Variants in GRIP1 observed in about 807,000 individuals in gnomAD.
The protein encoded by GRIP1 is glutamate receptor-interacting protein 1.
In GRIP1, 45 loss-of-function variants were observed where a neutral mutation model predicts 129.9. That is an observed-to-expected ratio of 0.35 (90% CI 0.27 to 0.44). The LOEUF (loss-of-function observed/expected upper bound fraction) is 0.44, where lower values mean the gene tolerates loss of function less well. GRIP1 is among the 20% of genes least tolerant of loss of function. The pLI is 1.00. For synonymous variants in GRIP1, 530 were observed against 520.8 expected (o/e 1.02, Z -0.24); for missense variants, 1,196 against 1,396.8 (o/e 0.86, Z 2.29).
intron 2 of GRIP1, chr12:66,563,556 C>T (rs910134231): frequency 9.2e-5 from 15 of 163,566 alleles, no homozygotes; most frequent in Non-Finnish European, 1.5e-4. Flanking sequence ...AAGCAAAACA[C>T]AAACTTGAAA....
At chr12:66,356,828 C>T (rs2054511002) in intron 23 of GRIP1, among the ~76,000 whole-genome samples, 3 of 152,116 alleles carry the variant, frequency 2.0e-5, no homozygotes, top group Admixed American at 2.0e-4. Flanking sequence ...ACTTCCTAGT[C>T]CATAATTTCC....
At chr12:66,982,060 T>C (rs1274424095) in intron 1 of GRIP1, among the ~76,000 whole-genome samples, 1 of 152,226 alleles carries the variant, frequency 6.6e-6, no homozygotes, top group South Asian at 2.1e-4. Context: ...AACACTGTTA[T>C]ACTATCTTAC....
chr12:66,910,250 C>G (rs1278138431), intron 1 of GRIP1, among the ~76,000 whole-genome samples: 1 of 152,160 alleles, frequency 6.6e-6, no homozygotes, highest in Non-Finnish European at 1.5e-5. Flanking sequence ...CCTTTCTCCC[C>G]AGTTGTCATT....
chr12:66,444,852 G>A, intron 12 of GRIP1, 123 bp from the exon 13 acceptor site: 1 of 951,264 alleles, frequency 1.1e-6, no homozygotes, highest in Non-Finnish European at 1.7e-6. Context: ...CTTATTCAAT[G>A]CTGTGGGCAT....
intron 1 of GRIP1, among the ~76,000 whole-genome samples, chr12:66,828,327 T>C (rs2039454772): frequency 6.6e-6 from 1 of 152,210 alleles, no homozygotes; most frequent in Non-Finnish European, 1.5e-5. Context: ...ATAGGCATGA[T>C]ACTTGGAATT....
At chr12:66,762,403 G>C (rs2037504018) in intron 1 of GRIP1, among the ~76,000 whole-genome samples, 2 of 152,128 alleles carry the variant, frequency 1.3e-5, no homozygotes, top group Non-Finnish European at 2.9e-5. Context: ...TGAAAAACAA[G>C]GGGATGGAGC....
chr12:66,386,488 G>GC (rs1373377375), intron 19 of GRIP1, among the ~76,000 whole-genome samples: 1 of 152,030 alleles, frequency 6.6e-6, no homozygotes, highest in African/African-American at 2.4e-5. Context: ...CAAAAAATTA[G>GC]CTGGTCGTGG....
chr12:66,639,181 C>G (rs1309621931), intron 1 of GRIP1, among the ~76,000 whole-genome samples: 2 of 151,636 alleles, frequency 1.3e-5, no homozygotes, highest in African/African-American at 4.8e-5. Flanking sequence ...ATTAGTATAC[C>G]ACCGTTAGTA....
chr12:66,879,615 C>G (rs1323479030), intron 1 of GRIP1, among the ~76,000 whole-genome samples: 3 of 152,024 alleles, frequency 2.0e-5, no homozygotes, highest in Non-Finnish European at 4.4e-5. Context: ...GGAAGCTGAA[C>G]AGCAAAGGAG....
At chr12:66,544,984 G>A (rs936001410) in intron 2 of GRIP1, among the ~76,000 whole-genome samples, 2 of 152,112 alleles carry the variant, frequency 1.3e-5, no homozygotes, top group African/African-American at 4.8e-5. Context: ...AAGTCAATAT[G>A]TACTGATGAT....
At chr12:66,692,303 A>T (rs2136318511) in intron 1 of GRIP1, among the ~76,000 whole-genome samples, 1 of 152,350 alleles carries the variant, frequency 6.6e-6, no homozygotes, top group Middle Eastern at 3.4e-3. Context: ...CCAATTGTGT[A>T]ACCCTGTAGG....
intron 15 of GRIP1, among the ~76,000 whole-genome samples, chr12:66,414,905 A>T (rs965443901): frequency 4.7e-5 from 7 of 149,712 alleles, no homozygotes; most frequent in Admixed American, 1.3e-4. Context: ...GCAGAAAATT[A>T]AAACTGGACC....
intron 1 of GRIP1, among the ~76,000 whole-genome samples, chr12:66,724,838 G>A (rs2036201796): frequency 6.6e-6 from 1 of 152,196 alleles, no homozygotes; most frequent in Non-Finnish European, 1.5e-5. Flanking sequence ...CTAACCCGAT[G>A]TCAGACATGC....
chr12:66,493,429 G>A (rs1176166456), intron 7 of GRIP1, among the ~76,000 whole-genome samples: 1 of 152,144 alleles, frequency 6.6e-6, no homozygotes, highest in Non-Finnish European at 1.5e-5. Context: ...TTTGAAACTC[G>A]TATTTTCAAC....
At chr12:66,908,277 C>T (rs1458877145) in intron 1 of GRIP1, among the ~76,000 whole-genome samples, 1 of 152,086 alleles carries the variant, frequency 6.6e-6, no homozygotes, top group Non-Finnish European at 1.5e-5. Context: ...GAAGACCAGG[C>T]AGAGTGTGGG....
intron 2 of GRIP1, among the ~76,000 whole-genome samples, chr12:66,554,456 C>A (rs968278746): frequency 6.6e-6 from 1 of 152,090 alleles, no homozygotes; most frequent in African/African-American, 2.4e-5. Flanking sequence ...TCAAGTGTGA[C>A]CTAGCATATT....
intron 1 of GRIP1, among the ~76,000 whole-genome samples, chr12:67,051,232 G>A (rs931479679): frequency 9.9e-5 from 15 of 152,192 alleles, no homozygotes; most frequent in African/African-American, 3.6e-4. Context: ...GATCGGGGCT[G>A]GACTACAACC....
At chr12:66,483,882 C>T (rs1382446912) in intron 7 of GRIP1, among the ~76,000 whole-genome samples, 3 of 150,232 alleles carry the variant, frequency 2.0e-5, no homozygotes, top group Middle Eastern at 3.5e-3. Flanking sequence ...TTTTTTGAGA[C>T]GGAGTCTCGC....
intron 23 of GRIP1, among the ~76,000 whole-genome samples, chr12:66,365,737 TA>T (rs1329150924): frequency 5.3e-5 from 8 of 152,366 alleles, no homozygotes; most frequent in African/African-American, 1.9e-4. Context: ...CATTCTGGTA[TA>T]CAACCTTATG....
Sources: allele counts gnomAD v4.1 joint callset (sites outside exome capture counted in the v4.1 genomes callset), GRCh38; gene constraint gnomAD v4.1.1; transcripts MANE v1.5; gene names NCBI Gene and HGNC (gene_info 2026-07-23, HGNC 2026-07-21).